The following HACE1 variants were observed in gnomAD, a reference collection of about 807,000 sequenced individuals.
HACE1 encodes the protein E3 ubiquitin-protein ligase HACE1.
A neutral mutation model predicts 118.4 loss-of-function variants in HACE1; 73 were observed. The observed-to-expected ratio is 0.62, with a 90% CI of 0.51 to 0.75. The LOEUF (loss-of-function observed/expected upper bound fraction) is 0.75, where lower values mean the gene tolerates loss of function less well. HACE1 is among the 30% of genes least tolerant of loss of function. The pLI is 0.00. For synonymous variants in HACE1, 368 were observed against 374.8 expected, an observed-to-expected ratio of 0.98 and a Z score of 0.21; for missense variants, 749 against 1,102.2, an observed-to-expected ratio of 0.68 and a Z score of 4.54.
Position 104,797,016 on chromosome 6 carries a change from C to T in HACE1, c.627G>A (p.Gln209=). 1 of 1,566,732 alleles carries T rather than the reference C, an allele frequency of 6.4e-7. No homozygotes were observed. Among genetic ancestry groups the T allele is most frequent in the Non-Finnish European group, 8.8e-7 (1 of 1,137,100 alleles). ...TPLYFACSHG[Q]RDTAQILLLR... ...ATAGTAGGATCTGTGCTGTATCTCT[C>T]TGACCATGACTGTGTGGAAATAGAA... The change falls in exon 8 of 24, where the codon CAG becomes CAA. Residue 209 remains glutamine (Q), a synonymous_variant. Transcript: ENST00000262903.
At chr6:104,741,714 T>A (rs534744106) in intron 22 of HACE1, among the ~76,000 whole-genome samples, 7 of 149,486 alleles carry the variant, frequency 4.7e-5, no homozygotes, top group Non-Finnish European at 8.9e-5. Flanking sequence ...AGAATCATTA[T>A]CGTGAAAATG....
chr6:104,843,814 T>C (rs1209698610), intron 4 of HACE1, among the ~76,000 whole-genome samples: 2 of 149,448 alleles, frequency 1.3e-5, no homozygotes, highest in Admixed American at 1.3e-4. Context: ...GTAGAGATTC[T>C]TTTTTTTTTA....
At chr6:104,796,594 C>T in intron 9 of HACE1, 61 bp downstream of exon 9, 1 of 857,244 alleles carries the variant, frequency 1.2e-6, no homozygotes, top group Non-Finnish European at 2.0e-6. Context: ...TGTAAAATGT[C>T]ATATATGCTG....
chr6:104,797,416 T>C (rs572992136), intron 7 of HACE1, among the ~76,000 whole-genome samples: 1 of 151,776 alleles, frequency 6.6e-6, no homozygotes, highest in Admixed American at 6.6e-5. Context: ...TCCAAGTCTC[T>C]AGGCTTCTTA....
At chr6:104,736,129 T>C (rs977363994) in intron 22 of HACE1, among the ~76,000 whole-genome samples, 2 of 151,764 alleles carry the variant, frequency 1.3e-5, no homozygotes, top group Non-Finnish European at 2.9e-5. Flanking sequence ...ACATAAAAAA[T>C]ATAATTATTT....
At chr6:104,747,837 A>T (rs1471206682) in intron 20 of HACE1, among the ~76,000 whole-genome samples, 2 of 152,202 alleles carry the variant, frequency 1.3e-5, no homozygotes, top group African/African-American at 2.4e-5. Context: ...GTATAAATCA[A>T]GACCATGCCT....
intron 7 of HACE1, among the ~76,000 whole-genome samples, chr6:104,808,532 T>A (rs1490025031): frequency 1.3e-5 from 2 of 152,160 alleles, no homozygotes; most frequent in African/African-American, 4.8e-5. Context: ...TTCCCCTGTA[T>A]CTTAATACCA....
chr6:104,803,234 C>T (rs765017159), intron 7 of HACE1, among the ~76,000 whole-genome samples: 7 of 152,048 alleles, frequency 4.6e-5, no homozygotes, highest in Non-Finnish European at 7.4e-5. Flanking sequence ...CAGGAACAGA[C>T]GGATTCACAG....
chr6:104,781,609 G>C (rs1484608658), intron 14 of HACE1, among the ~76,000 whole-genome samples: 1 of 151,992 alleles, frequency 6.6e-6, no homozygotes, highest in Non-Finnish European at 1.5e-5. Context: ...TCTCATACTT[G>C]CTTATTTGAT....
chr6:104,834,791 A>G (rs1774361142), intron 5 of HACE1, among the ~76,000 whole-genome samples: 1 of 152,232 alleles, frequency 6.6e-6, no homozygotes, highest in Admixed American at 6.5e-5. Context: ...CAAAAGGCTC[A>G]AGAATCAATA....
At chr6:104,822,515 T>C (rs1391775469) in intron 6 of HACE1, among the ~76,000 whole-genome samples, 1 of 151,738 alleles carries the variant, frequency 6.6e-6, no homozygotes, top group Non-Finnish European at 1.5e-5. Context: ...ATCACACCAC[T>C]ACGCTCCGGC....
At chr6:104,763,887 T>C (rs528056377) in intron 19 of HACE1, among the ~76,000 whole-genome samples, 1 of 152,096 alleles carries the variant, frequency 6.6e-6, no homozygotes, top group Non-Finnish European at 1.5e-5. Flanking sequence ...TCATTCCTAC[T>C]AAAAATACAA....
intron 19 of HACE1, among the ~76,000 whole-genome samples, chr6:104,761,460 T>C (rs1165652631): frequency 6.6e-6 from 1 of 152,174 alleles, no homozygotes; most frequent in African/African-American, 2.4e-5. Flanking sequence ...AGATTCCTTT[T>C]TAAATAAATG....
At chr6:104,730,516 AG>A in intron 22 of HACE1, 100 bp from the exon 23 acceptor site, 1 of 715,768 alleles carries the variant, frequency 1.4e-6, no homozygotes, top group Admixed American at 1.9e-5. Flanking sequence ...ATCCAACTCT[AG>A]GACAATGACA....
chr6:104,780,466 C>T (rs1167616861), intron 14 of HACE1: 5 of 348,076 alleles, frequency 1.4e-5, no homozygotes, highest in African/African-American at 1.1e-4. Context: ...ACCTGAAAAC[C>T]ACCAACAGAA....
intron 6 of HACE1, among the ~76,000 whole-genome samples, chr6:104,816,004 C>T (rs1193290557): frequency 4.6e-5 from 7 of 150,894 alleles, no homozygotes; most frequent in Admixed American, 6.6e-5. Context: ...ACCCAGGAGG[C>T]GGAGATTGCA....
At chr6:104,851,264 A>G (rs1419982142) in intron 2 of HACE1, among the ~76,000 whole-genome samples, 1 of 152,058 alleles carries the variant, frequency 6.6e-6, no homozygotes, top group East Asian at 1.9e-4. Flanking sequence ...TTGTATTTTT[A>G]GTAGAGAGGG....
chr6:104,841,082 T>C (rs1226780254), intron 5 of HACE1, among the ~76,000 whole-genome samples: 2 of 150,876 alleles, frequency 1.3e-5, no homozygotes, highest in African/African-American at 4.9e-5. Context: ...GATTGCGCCA[T>C]TGCACTCCAG....
intron 7 of HACE1, among the ~76,000 whole-genome samples, chr6:104,808,294 T>G (rs950025072): frequency 6.6e-6 from 1 of 151,644 alleles, no homozygotes; most frequent in Admixed American, 6.6e-5. Context: ...CACTGAAGAG[T>G]GAAAGAAGTA....
Sources: allele counts gnomAD v4.1 joint callset (sites outside exome capture counted in the v4.1 genomes callset), GRCh38; gene constraint gnomAD v4.1.1; transcripts MANE v1.5; gene names NCBI Gene and HGNC (gene_info 2026-07-23, HGNC 2026-07-21).